The following FBXO34 variants were observed in gnomAD, a reference collection of about 807,000 sequenced individuals.
FBXO34 encodes the protein F-box only protein 34.
FBXO34 carries 12 observed loss-of-function variants against 24.5 expected under a neutral mutation model. The observed-to-expected ratio is 0.49, with a 90% CI of 0.31 to 0.79. The LOEUF is 0.79. FBXO34 is among the 30% of genes least tolerant of loss of function. The probability of loss-of-function intolerance (pLI) is 0.04; values close to 1 mark genes in which losing one functional copy is unlikely to be tolerated. For synonymous variants in FBXO34, 320 were observed against 311.9 expected (o/e 1.03, Z -0.27); for missense variants, 823 against 857.7 (o/e 0.96, Z 0.51).
the FBXO34 span, chr14:55,414,182 AGT>A: frequency 3.7e-6 from 2 of 538,570 alleles, no homozygotes; most frequent in Non-Finnish European, 6.6e-6. Context: ...TTACTTGTTC[AGT>A]TTTTAAAATA....
chr14:55,337,375 A>G (rs896250194), intron 1 of FBXO34, among the ~76,000 whole-genome samples: 2 of 152,342 alleles, frequency 1.3e-5, no homozygotes, highest in South Asian at 4.1e-4. Flanking sequence ...AATTGACACC[A>G]CAACAGTATA....
intron 1 of FBXO34, among the ~76,000 whole-genome samples, chr14:55,275,939 C>A (rs902420010): frequency 1.3e-5 from 2 of 149,228 alleles, no homozygotes; most frequent in African/African-American, 5.0e-5. Flanking sequence ...TAGGGAATAG[C>A]TTATCATAGC....
chr14:55,289,821 A>C (rs1881882158), intron 1 of FBXO34, among the ~76,000 whole-genome samples: 2 of 152,078 alleles, frequency 1.3e-5, no homozygotes, highest in Admixed American at 6.6e-5. Flanking sequence ...TGCTGGGATT[A>C]CAGGAGTGGG....
chr14:55,360,693 A>ACTC (rs1254547289), intron 3 of FBXO34, among the ~76,000 whole-genome samples: 2 of 151,932 alleles, frequency 1.3e-5, no homozygotes, highest in African/African-American at 2.4e-5. Flanking sequence ...TGTAAGCCAA[A>ACTC]CTCCTGTTAA....
At chr14:55,414,542 A>G in the FBXO34 span, 3 of 938,910 alleles carry the variant, frequency 3.2e-6, no homozygotes, top group Non-Finnish European at 4.7e-6. Context: ...ATTGTCTCCA[A>G]TTACTTTTAA....
At chr14:55,279,753 C>T (rs978968747) in intron 1 of FBXO34, among the ~76,000 whole-genome samples, 1 of 152,180 alleles carries the variant, frequency 6.6e-6, no homozygotes, top group African/African-American at 2.4e-5. Flanking sequence ...CCTGGGCCTA[C>T]CTCTGGAGCT....
chr14:55,433,519 A>T, the FBXO34 span: 4 of 1,010,114 alleles, frequency 4.0e-6, 1 homozygote, highest in Non-Finnish European at 6.0e-6. Flanking sequence ...AGTCTTCAGC[A>T]AAGAAAGGCA....
chr14:55,305,468 G>C (rs1275276696), intron 1 of FBXO34, among the ~76,000 whole-genome samples: 1 of 151,574 alleles, frequency 6.6e-6, no homozygotes, highest in Non-Finnish European at 1.5e-5. Context: ...GCTGAGGCGA[G>C]TGGATCACTT....
intron 1 of FBXO34, among the ~76,000 whole-genome samples, chr14:55,292,916 T>G (rs1165718327): frequency 6.6e-6 from 1 of 152,166 alleles, no homozygotes; most frequent in African/African-American, 2.4e-5. Flanking sequence ...GGAGTCTCAC[T>G]CTTTCACTGA....
the FBXO34 span, chr14:55,428,898 C>T: frequency 7.4e-6 from 12 of 1,614,024 alleles, no homozygotes; most frequent in Middle Eastern, 1.6e-4. Context: ...ATTTTAAAAT[C>T]GAGGAATCTG....
At chr14:55,297,072 C>T (rs2139694857) in intron 1 of FBXO34, among the ~76,000 whole-genome samples, 1 of 152,264 alleles carries the variant, frequency 6.6e-6, no homozygotes, top group East Asian at 1.9e-4. Flanking sequence ...TGACCGGCGT[C>T]ATTTTGGCTG....
At chr14:55,384,825 G>A in the FBXO34 span, among the ~76,000 whole-genome samples, 3 of 152,196 alleles carry the variant, frequency 2.0e-5, no homozygotes, top group Admixed American at 6.5e-5. Context: ...GGGAATAAAC[G>A]GAAGCCTTCG....
intron 1 of FBXO34, among the ~76,000 whole-genome samples, chr14:55,318,978 C>T (rs999965009): frequency 2.0e-5 from 3 of 152,126 alleles, no homozygotes; most frequent in African/African-American, 7.2e-5. Context: ...CACACTAGGT[C>T]ATCTCACAGT....
the FBXO34 span, among the ~76,000 whole-genome samples, chr14:55,377,632 T>A: frequency 6.6e-6 from 1 of 152,202 alleles, no homozygotes; most frequent in Non-Finnish European, 1.5e-5. Context: ...TTCTAAGACA[T>A]GATTACAAAA....
the FBXO34 span, among the ~76,000 whole-genome samples, chr14:55,432,947 A>G: frequency 6.6e-6 from 1 of 152,194 alleles, no homozygotes; most frequent in African/African-American, 2.4e-5. Flanking sequence ...GAGCTCCTTT[A>G]GAAAGTTCTA....
chr14:55,274,760 A>G (rs1881278145), intron 1 of FBXO34, among the ~76,000 whole-genome samples: 1 of 152,192 alleles, frequency 6.6e-6, no homozygotes, highest in Admixed American at 6.5e-5. Flanking sequence ...TTTATGTTCT[A>G]GTAACTTTAA....
downstream of FBXO34, among the ~76,000 whole-genome samples, chr14:55,370,831 G>A (rs1406871964): frequency 6.6e-6 from 1 of 151,944 alleles, no homozygotes; most frequent in Non-Finnish European, 1.5e-5. Context: ...AGTAGAGACG[G>A]GGTTTCACCA....
intron 1 of FBXO34, among the ~76,000 whole-genome samples, chr14:55,320,109 T>A (rs1195142285): frequency 6.6e-6 from 1 of 152,228 alleles, no homozygotes; most frequent in African/African-American, 2.4e-5. Flanking sequence ...CCAGGTCCTT[T>A]AACTGCCATG....
chr14:55,351,528 G>A lies in FBXO34; in HGVS notation c.1138G>A (p.Val380Met). Residue 380 changes from valine to methionine, a missense_variant, in exon 2 of 2, where the codon GTG (valine) becomes ATG (methionine). This residue lies in a region of FBXO34 where 693 missense variants were observed against 659.1 expected (regional missense o/e 1.05). Transcript: ENST00000313833. ...GGACTGCCCCCCATTGCCAGCAGGA[G>A]TGAGTTTCCACATAGACAGTGCAGA... ...SQDCPPLPAG[V>M]SFHIDSAELE... 6.2e-7 allele frequency: 1 copy of A among 1,614,196 alleles called. No individual in the cohort carries two copies. The highest frequency in any genetic ancestry group is 1.1e-5 in the South Asian group (1 of 91,080).
Sources: gnomAD v4.1 joint callset for allele counts (sites outside exome capture counted in the v4.1 genomes callset) on GRCh38, gnomAD v4.1.1 for gene constraint, gnomAD v4.1.1 regional missense constraint, MANE v1.5 for transcripts, NCBI Gene and HGNC (gene_info 2026-07-23, HGNC 2026-07-21) for gene names.